Variants in ARHGAP22 observed in about 807,000 individuals in gnomAD.
The protein encoded by ARHGAP22 is rho GTPase-activating protein 22.
A neutral mutation model predicts 59.1 loss-of-function variants in ARHGAP22; 48 were observed. The observed-to-expected ratio is 0.81, with a 90% confidence interval of 0.64 to 1.03. ARHGAP22 has a LOEUF of 1.03. ARHGAP22 is among the 50% of genes least tolerant of loss of function. The probability of loss-of-function intolerance (pLI) is 0.00; values close to 1 mark genes in which losing one functional copy is unlikely to be tolerated. For missense variants in ARHGAP22, 1,015 were observed against 958.7 expected (o/e 1.06, Z -0.78); for synonymous variants, 445 against 416.4 (o/e 1.07, Z -0.84).
At chr10:48,451,340 C>T (rs1236973835) in intron 8 of ARHGAP22, 200 bp from the exon 9 acceptor site, 1 of 774,686 alleles carries the variant, frequency 1.3e-6, no homozygotes, top group Middle Eastern at 2.2e-4. Context: ...GATGGGGCCG[C>T]AGAACCGCCT....
In ARHGAP22 at chr10:48,472,069, C is replaced by T. The variant is rs540552065; in HGVS notation, c.451+7567G>A. On this transcript the variant is annotated intron_variant, in intron 4 of 9. Transcript: ENST00000249601. ...TAAAAATACAAAAATTCACTGGGTG[C>T]GGTGGCGGGTGCCTGTAATCCCAGC... Among the ~76,000 whole-genome samples, 27 of 151,272 alleles carry T rather than the reference C, an allele frequency of 1.8e-4. No individual in the cohort carries two copies. In the South Asian group the frequency reaches 2.7e-3, roughly 15 times the overall value.
At chr10:48,439,785 C>G in the ARHGAP22 span, among the ~76,000 whole-genome samples, 1 of 152,208 alleles carries the variant, frequency 6.6e-6, no homozygotes, top group Non-Finnish European at 1.5e-5. Context: ...TGTGGGAATA[C>G]AGGGTCCCTG....
At chr10:48,625,706 A>G (rs920341389) in intron 1 of ARHGAP22, among the ~76,000 whole-genome samples, 7 of 149,054 alleles carry the variant, frequency 4.7e-5, no homozygotes, top group Non-Finnish European at 8.9e-5. Context: ...ACACACACAC[A>G]CACACACACA....
rs1364933540 is a variant in ARHGAP22 at position 48,604,895 on chromosome 10, G to T, written c.-99C>A. Reference sequence around the variant, plus strand: ...CCTAGTCGCCCCTCATGTCCTGCTCGTTCGGGGCCCCGTGGCCGCTGGCGT... The same window carrying T: ...CCTAGTCGCCCCTCATGTCCTGCTCTTTCGGGGCCCCGTGGCCGCTGGCGT... On this transcript the variant is annotated 5_prime_UTR_variant, in exon 1 of 10. Coordinates refer to ENST00000249601, the MANE Select transcript of ARHGAP22 (RefSeq NM_021226.4). The T allele has an allele frequency of 2.5e-6, 4 of 1,593,922 alleles. No homozygotes were observed. In the Admixed American group the frequency reaches 6.8e-5, roughly 27 times the overall value.
chr10:48,472,293 G>A (rs368978034), intron 4 of ARHGAP22, among the ~76,000 whole-genome samples: 1 of 151,930 alleles, frequency 6.6e-6, no homozygotes, highest in Non-Finnish European at 1.5e-5. Context: ...GGAGGCCGAG[G>A]CAGGTGGATC....
At chr10:48,526,830 G>A (rs2054368846) in intron 3 of ARHGAP22, among the ~76,000 whole-genome samples, 2 of 152,178 alleles carry the variant, frequency 1.3e-5, no homozygotes, top group South Asian at 2.1e-4. Context: ...TTTTCAAAGC[G>A]GCTTTAAATA....
chr10:48,506,791 G>T (rs1463636681), intron 3 of ARHGAP22, among the ~76,000 whole-genome samples: 1 of 152,156 alleles, frequency 6.6e-6, no homozygotes, highest in Non-Finnish European at 1.5e-5. Context: ...TATGTGACAC[G>T]AGGGCCTAGA....
chr10:48,481,433 C>T (rs772146619), intron 3 of ARHGAP22, among the ~76,000 whole-genome samples: 6 of 152,104 alleles, frequency 3.9e-5, no homozygotes, highest in Non-Finnish European at 8.8e-5. Flanking sequence ...CCTGGAGATC[C>T]ACAGCTCCAG....
chr10:48,593,677 A>G (rs1450779831), intron 1 of ARHGAP22, among the ~76,000 whole-genome samples: 1 of 152,264 alleles, frequency 6.6e-6, no homozygotes, highest in Non-Finnish European at 1.5e-5. Flanking sequence ...AGAGTGGGAC[A>G]CCACGCTACT....
chr10:48,652,394 C>G, exon 1 of ARHGAP22: 1 of 890,608 alleles, frequency 1.1e-6, no homozygotes, highest in Non-Finnish European at 1.7e-6. Flanking sequence ...AGGAGATCCA[C>G]ATCTATAGAA....
intron 4 of ARHGAP22, among the ~76,000 whole-genome samples, chr10:48,462,272 G>C (rs2047219551): frequency 6.6e-6 from 1 of 151,128 alleles, no homozygotes. Flanking sequence ...CTGAGTGTGA[G>C]GAGAGTGCCG....
At chr10:48,531,856 G>A (rs2054884505) in intron 3 of ARHGAP22, among the ~76,000 whole-genome samples, 1 of 152,190 alleles carries the variant, frequency 6.6e-6, no homozygotes, top group South Asian at 2.1e-4. Flanking sequence ...TGGCCTGTGG[G>A]ACAAAGGCAC....
chr10:48,598,130 G>T (rs1321527715), intron 1 of ARHGAP22, among the ~76,000 whole-genome samples: 1 of 152,278 alleles, frequency 6.6e-6, no homozygotes, highest in Admixed American at 6.5e-5. Context: ...TAAGAGCACT[G>T]GTCAGGTGGG....
intron 3 of ARHGAP22, among the ~76,000 whole-genome samples, chr10:48,493,107 G>T (rs1329017884): frequency 6.6e-6 from 1 of 152,172 alleles, no homozygotes; most frequent in African/African-American, 2.4e-5. Context: ...GAACAGTGTG[G>T]ACTGGGGCTG....
intron 1 of ARHGAP22, among the ~76,000 whole-genome samples, chr10:48,626,789 A>C (rs180965693): frequency 6.4e-4 from 98 of 152,240 alleles, no homozygotes; most frequent in Admixed American, 6.0e-3. Context: ...AAGTGAGGGG[A>C]GCATTTTTGG....
intron 4 of ARHGAP22, among the ~76,000 whole-genome samples, chr10:48,477,200 G>A (rs73303077): frequency 0.13 from 20,238 of 151,998 alleles, 1,349 homozygotes; most frequent in Non-Finnish European, 0.14. Flanking sequence ...TTTATATTCT[G>A]TTGCCTATCT....
intron 3 of ARHGAP22, among the ~76,000 whole-genome samples, chr10:48,515,619 A>G (rs999027438): frequency 2.0e-5 from 3 of 152,264 alleles, no homozygotes; most frequent in East Asian, 3.8e-4. Context: ...CAGCATGCAC[A>G]TTCTTCTCAA....
intron 2 of ARHGAP22, among the ~76,000 whole-genome samples, chr10:48,576,751 TTCTTTTC>T (rs2058734365): frequency 1.4e-5 from 2 of 141,550 alleles, no homozygotes. Context: ...CAGATGAGGT[TTCTTTTC>T]TATCTTTCTC....
At chr10:48,451,666 A>G in intron 8 of ARHGAP22, 1 of 620,400 alleles carries the variant, frequency 1.6e-6, no homozygotes, top group South Asian at 1.8e-5. Flanking sequence ...ACCCCCTAAA[A>G]TACCCCCCAC....
Sources: gnomAD v4.1 joint callset for allele counts (sites outside exome capture counted in the v4.1 genomes callset) on GRCh38, gnomAD v4.1.1 for gene constraint, MANE v1.5 for transcripts, NCBI Gene and HGNC (gene_info 2026-07-23, HGNC 2026-07-21) for gene names.